Variants in PFDN6 observed in about 807,000 individuals in gnomAD.
PFDN6 encodes prefoldin subunit 6.
Under a neutral mutation model 19.3 loss-of-function variants are expected in PFDN6, and 5 were observed. The observed-to-expected ratio is 0.26, with a 90% CI of 0.14 to 0.55. PFDN6 has a LOEUF of 0.55. Among genes scored for constraint, PFDN6 ranks in the 20% least tolerant of loss-of-function variants. PFDN6 has a pLI of 0.94. For missense variants in PFDN6, 101 were observed against 149.4 expected (o/e 0.68, Z 1.69); for synonymous variants, 51 against 63.4 (o/e 0.80, Z 0.93).
At chr6:33,290,519 G>T in intron 3 of PFDN6, 69 bp downstream of exon 3, 1 of 1,518,582 alleles carries the variant, frequency 6.6e-7, no homozygotes, top group Non-Finnish European at 8.8e-7. Context: ...TAGAGGTGTT[G>T]AACCATTGCA....
At chr6:33,289,529 C>G (rs896769134), upstream of PFDN6, 1 of 1,043,712 alleles carries the variant, frequency 9.6e-7, no homozygotes, top group Non-Finnish European at 1.2e-6. Context: ...CAGAACTACA[C>G]TTCCCATCAA....
At chr6:33,290,033 T>G in intron 1 of PFDN6, 113 bp downstream of exon 1, 1 of 1,268,980 alleles carries the variant, frequency 7.9e-7, no homozygotes. Flanking sequence ...CTTCCCCGCC[T>G]CAGTCTCAGT....
Position 33,289,885 on chromosome 6 carries a change from A to G in PFDN6, c.29A>G (p.Gln10Arg), listed in dbSNP as rs1429981204. MAELIQKKLQGEVEKYQQLQ... is the reference protein window; with the variant it reads MAELIQKKLRGEVEKYQQLQ... ...GCGGAGCTGATCCAGAAGAAGCTAC[A>G]GGGAGAAGTGGAGAAATATCAACAG... Residue 10 changes from glutamine to arginine, a missense_variant, in exon 1 of 4, where the codon CAG (glutamine) becomes CGG (arginine). Gln to Arg is a conservative substitution (Grantham distance 43, BLOSUM62 1). Coordinates refer to ENST00000374606, the MANE Select transcript of PFDN6 (RefSeq NM_001185181.3). The G allele has an allele frequency of 6.2e-7, 1 of 1,609,160 alleles. No individual in the cohort carries two copies. The highest frequency in any genetic ancestry group is 1.3e-5 in the African/African-American group (1 of 74,802).
chr6:33,289,965 C>T, intron 1 of PFDN6, 45 bp downstream of exon 1: 1 of 1,531,100 alleles, frequency 6.5e-7, no homozygotes, highest in Non-Finnish European at 8.9e-7. Flanking sequence ...GCACTTACAA[C>T]CCAAAGCCAT....
upstream of PFDN6, chr6:33,289,281 G>T: frequency 6.7e-7 from 1 of 1,502,224 alleles, no homozygotes; most frequent in Non-Finnish European, 8.8e-7. Flanking sequence ...AGCGTACCAG[G>T]TATGAAGCTC....
chr6:33,289,230 T>C (rs562771642), upstream of PFDN6: 24 of 1,572,356 alleles, frequency 1.5e-5, no homozygotes, highest in Middle Eastern at 1.9e-4. Context: ...CACAGTCGGC[T>C]TGAAAACTCC....
chr6:33,289,913 A>G lies in PFDN6; in HGVS notation c.57A>G (p.Leu19=). 1 of 1,608,618 alleles carries G rather than the reference A, an allele frequency of 6.2e-7. No individual in the cohort carries two copies. The highest frequency in any genetic ancestry group is 8.5e-7 in the Non-Finnish European group (1 of 1,177,356). ...GAGAAGTGGAGAAATATCAACAGCT[A>G]CAGAAGGGTAAGGGAACAGGGTCGG... ...LQGEVEKYQQ[L]QKDLSKSMSG... The change falls in exon 1 of 4, where the codon CTA becomes CTG. Residue 19 remains leucine, a synonymous_variant. Coordinates refer to ENST00000374606, the MANE Select transcript of PFDN6 (RefSeq NM_001185181.3).
In PFDN6 at chr6:33,290,887, C is replaced by CAGCT; in HGVS notation, c.*43_*46dup. On this transcript the variant is annotated 3_prime_UTR_variant, in exon 4 of 4. Coordinates refer to ENST00000374606, the MANE Select transcript of PFDN6 (RefSeq NM_001185181.3). Reference sequence around the variant, plus strand: ...GGGGAGGGGAGGGGAGGGAATGAGGCAGCTCTAGGATCTATACTGTAGCTA... The same window carrying CAGCT: ...GGGGAGGGGAGGGGAGGGAATGAGGCAGCTAGCTCTAGGATCTATACTGTAGCTA... 6.5e-7 allele frequency: 1 copy of CAGCT among 1,538,380 alleles called. No individual in the cohort carries two copies. Among genetic ancestry groups the CAGCT allele is most frequent in the Non-Finnish European group, 8.8e-7 (1 of 1,140,226 alleles).
rs776045849 is a variant in PFDN6 at position 33,290,763 on chromosome 6, A to G, written c.308A>G (p.Gln103Arg). 6.2e-6 allele frequency: 10 copies of G among 1,611,610 alleles called. No individual in the cohort carries two copies. The South Asian group carries it at 1.1e-4, about 18-fold the overall frequency. ...QLRDLERQSEQQRETLAQLQQ... is the reference protein window; with the variant it reads ...QLRDLERQSERQRETLAQLQQ... ...CGGGATCTTGAGCGGCAGTCAGAGC[A>G]ACAGAGGGAGACCCTTGCTCAGCTG... is the stretch of plus-strand genomic sequence containing the variant. Residue 103 changes from glutamine (Q) to arginine (R), a missense_variant, in exon 4 of 4, where the codon CAA (glutamine) becomes CGA (arginine). Gln to Arg is a conservative substitution (Grantham distance 43). This residue lies in a region of PFDN6 where 47 missense variants were observed against 40.6 expected (regional missense o/e 1.16). Coordinates refer to ENST00000374606, the MANE Select transcript of PFDN6 (RefSeq NM_001185181.3).
chr6:33,290,340 G>A lies in PFDN6; in HGVS notation c.150G>A (p.Leu50=), dbSNP rs1562645230. 2 of 1,610,434 alleles carry A rather than the reference G, an allele frequency of 1.2e-6. No individual in the cohort carries two copies. The highest frequency in any genetic ancestry group is 8.5e-7 in the Non-Finnish European group (1 of 1,177,412). The change falls in exon 3 of 4, where the codon CTG becomes CTA. Residue 50 remains leucine, a synonymous_variant. Coordinates refer to ENST00000374606, the MANE Select transcript of PFDN6 (RefSeq NM_001185181.3). Reference sequence around the variant, plus strand: ...CCCTCCATCAGGAACTGGCCCTGCTGGATGGGTCCAACGTGGTCTTTAAAC... The same window carrying A: ...CCCTCCATCAGGAACTGGCCCTGCTAGATGGGTCCAACGTGGTCTTTAAAC... ...NNIVKEELAL[L]DGSNVVFKLL...
chr6:33,289,383 G>T, upstream of PFDN6: 3 of 1,330,298 alleles, frequency 2.3e-6, no homozygotes, highest in Non-Finnish European at 2.9e-6. Flanking sequence ...ATGCAAGAGT[G>T]ATTTAAAAAA....
upstream of PFDN6, chr6:33,289,404 T>G: frequency 7.6e-7 from 1 of 1,310,604 alleles, no homozygotes; most frequent in Non-Finnish European, 9.7e-7. Context: ...GAAAGGCAGG[T>G]CCGGAGCCAG....
At position 33,289,747 on chromosome 6, in the gene PFDN6, C is replaced by A; in HGVS notation, c.-110C>A. Reference sequence around the variant, plus strand: ...TGCGGTGCCCCTCAGGGCTACCTCTCAAGAGTGCTATCATTTCCGCAGGCC... The same window carrying A: ...TGCGGTGCCCCTCAGGGCTACCTCTAAAGAGTGCTATCATTTCCGCAGGCC... On this transcript the variant is annotated 5_prime_UTR_variant, in exon 1 of 4. Transcript: ENST00000374606. 2.2e-6 allele frequency: 2 copies of A among 890,756 alleles called. No individual in the cohort carries two copies. The highest frequency in any genetic ancestry group is 3.4e-6 in the Non-Finnish European group (2 of 587,538). The allele number at this position is 890,756 out of a possible 1,614,324, so 55.2% of individuals were successfully genotyped here. A position where few individuals can be genotyped will look rare whatever the true frequency, so the allele number is the denominator to read the frequency against.
chr6:33,290,007 C>T (rs1045866839), intron 1 of PFDN6, 87 bp downstream of exon 1: 2 of 1,369,854 alleles, frequency 1.5e-6, no homozygotes, highest in African/African-American at 1.4e-5. Flanking sequence ...CCCATCTGGG[C>T]CCTCGCGTGC....
In PFDN6 at chr6:33,290,605, C is replaced by T; in HGVS notation, c.261-111C>T. 2.0e-6 allele frequency: 3 copies of T among 1,486,864 alleles called. No homozygotes were observed. In the African/African-American group the frequency reaches 4.2e-5, roughly 21 times the overall value. 92.1% of individuals were successfully genotyped at this position (1,486,864 alleles called of 1,614,324 possible). A position where few individuals can be genotyped will look rare whatever the true frequency, so the allele number is the denominator to read the frequency against. On this transcript the variant is annotated intron_variant, in intron 3 of 3. Transcript: ENST00000374606. The stretch of plus-strand genomic sequence containing the variant: ...CTTCCCTTTTAACCCCCCTTCTTCT[C>T]CCTCCCCTGGATCTCAAGTTTTCCA...
At position 33,289,647 on chromosome 6, in the gene PFDN6, A is replaced by G. The variant is rs1581696323; in HGVS notation, c.-210A>G. On this transcript the variant is annotated 5_prime_UTR_variant, in exon 1 of 4. Transcript: ENST00000374606. Reference sequence around the variant, plus strand: ...TGAGTAGGTTAGGATTTCGGTTGAGAGGCTTGGGGTCTTGCGTTTCGCCCA... The same window carrying G: ...TGAGTAGGTTAGGATTTCGGTTGAGGGGCTTGGGGTCTTGCGTTTCGCCCA... The G allele has an allele frequency of 3.6e-6, 2 of 548,294 alleles. No individual in the cohort carries two copies. Among genetic ancestry groups the G allele is most frequent in the Non-Finnish European group, 5.9e-6 (2 of 340,834 alleles). 34.0% of individuals were successfully genotyped at this position (548,294 alleles called of 1,614,324 possible).
chr6:33,290,056 T>C (rs892764780), intron 1 of PFDN6, 118 bp from the exon 2 acceptor site: 3 of 1,317,882 alleles, frequency 2.3e-6, no homozygotes, highest in Admixed American at 1.9e-5. Context: ...TCTTCCCTGT[T>C]CACTCACCCG....
Position 33,290,234 on chromosome 6 carries a change from T to C in PFDN6, c.125T>C (p.Ile42Thr). The change falls in exon 2 of 4, where the codon ATC becomes ACC. Residue 42 changes from isoleucine to threonine, a missense_variant. Physicochemically the swap from Ile to Thr is moderately conservative, Grantham distance 89. This residue lies in a region of PFDN6 where 54 missense variants were observed against 108.8 expected (regional missense o/e 0.50). Transcript: ENST00000374606. ...KLEAQLTENN[I>T]VKEELALLDG... ...GAAGCACAACTAACAGAAAATAATA[T>C]CGTGAAAGAGGTGAGGGACTGGGAT... 1 of 1,613,996 alleles carries C rather than the reference T, an allele frequency of 6.2e-7. No individual in the cohort carries two copies. Among genetic ancestry groups the C allele is most frequent in the Non-Finnish European group, 8.5e-7 (1 of 1,179,980 alleles).
Position 33,290,390 on chromosome 6 carries a change from A to G in PFDN6, c.200A>G (p.Gln67Arg), listed in dbSNP as rs1490350638. ...FKLLGPVLVKQELGEARATVG... is the reference protein window; with the variant it reads ...FKLLGPVLVKRELGEARATVG... ...CTTCTGGGTCCGGTGCTAGTCAAAC[A>G]GGAGCTGGGGGAGGCTCGGGCCACA... Residue 67 changes from glutamine to arginine, a missense_variant, in exon 3 of 4, where the codon CAG becomes CGG. Physicochemically the swap from Gln to Arg is conservative, Grantham distance 43. Coordinates refer to ENST00000374606, the MANE Select transcript of PFDN6 (RefSeq NM_001185181.3). 2 of 1,606,830 alleles carry G rather than the reference A, an allele frequency of 1.2e-6. No individual in the cohort carries two copies. The highest frequency in any genetic ancestry group is 1.3e-5 in the African/African-American group (1 of 74,666).
Sources: gnomAD v4.1 joint callset for allele counts on GRCh38, gnomAD v4.1.1 for gene constraint, gnomAD v4.1.1 regional missense constraint, MANE v1.5 for transcripts, NCBI Gene and HGNC (gene_info 2026-07-23, HGNC 2026-07-21) for gene names.